The following ZBTB7C variants were observed in gnomAD, a reference collection of about 807,000 sequenced individuals.
ZBTB7C encodes the protein zinc finger and BTB domain containing 7C.
A neutral mutation model predicts 25.7 loss-of-function variants in ZBTB7C; 8 were observed. The ratio of observed to expected loss-of-function variants is 0.31; its 90% CI spans 0.18 to 0.56. The LOEUF (loss-of-function observed/expected upper bound fraction) is 0.56, where lower values mean the gene tolerates loss of function less well. Among genes scored for constraint, ZBTB7C ranks in the 20% least tolerant of loss-of-function variants. ZBTB7C has a pLI of 0.91. For synonymous variants in ZBTB7C, 394 were observed against 369.0 expected (o/e 1.07, Z -0.78); for missense variants, 824 against 855.2 (o/e 0.96, Z 0.46).
chr18:48,241,100 CAAA>C (rs969798678), intron 2 of ZBTB7C, among the ~76,000 whole-genome samples: 18 of 151,392 alleles, frequency 1.2e-4, no homozygotes, highest in African/African-American at 3.9e-4. Context: ...TAAAAAAAAA[CAAA>C]GAAGGACAAG....
intron 2 of ZBTB7C, among the ~76,000 whole-genome samples, chr18:48,297,904 A>C (rs890514579): frequency 2.0e-5 from 3 of 152,162 alleles, no homozygotes; most frequent in African/African-American, 7.2e-5. Context: ...CCTGTGTCAC[A>C]CATTATATGC....
chr18:48,349,875 A>G (rs2046824942), intron 1 of ZBTB7C, among the ~76,000 whole-genome samples: 1 of 152,066 alleles, frequency 6.6e-6, no homozygotes, highest in Non-Finnish European at 1.5e-5. Context: ...TGGGGACTAC[A>G]TTTTCTTCAT....
chr18:48,164,508 C>T (rs1271766036), intron 3 of ZBTB7C, among the ~76,000 whole-genome samples: 1 of 152,170 alleles, frequency 6.6e-6, no homozygotes, highest in African/African-American at 2.4e-5. Flanking sequence ...GCTAGATTTC[C>T]CTTCTGTCTC....
At chr18:48,148,571 A>G (rs1160742392) in intron 3 of ZBTB7C, 3 of 152,194 alleles carry the variant, frequency 2.0e-5, no homozygotes, top group African/African-American at 7.2e-5. Flanking sequence ...CCTCAGCATT[A>G]CAGATGAGTA....
intron 3 of ZBTB7C, among the ~76,000 whole-genome samples, chr18:48,046,616 A>C (rs1337268622): frequency 6.6e-6 from 1 of 152,222 alleles, no homozygotes; most frequent in Non-Finnish European, 1.5e-5. Context: ...CTGCCTTTTA[A>C]AATAGAAGAG....
intron 3 of ZBTB7C, among the ~76,000 whole-genome samples, chr18:48,096,418 T>G (rs2038635558): frequency 6.6e-6 from 1 of 152,232 alleles, no homozygotes; most frequent in East Asian, 1.9e-4. Flanking sequence ...ATGGGCATCC[T>G]GATGACATCA....
At chr18:48,331,242 G>C (rs1256825467) in intron 2 of ZBTB7C, among the ~76,000 whole-genome samples, 1 of 152,170 alleles carries the variant, frequency 6.6e-6, no homozygotes, top group Non-Finnish European at 1.5e-5. Flanking sequence ...ACCAAGAAAT[G>C]TTTGTGGACC....
chr18:48,347,126 T>G (rs1365872739), intron 1 of ZBTB7C, among the ~76,000 whole-genome samples: 3 of 76,496 alleles, frequency 3.9e-5, no homozygotes, highest in African/African-American at 2.0e-4. Flanking sequence ...TTTTGTTTGT[T>G]TTTTTTTTTT....
chr18:48,257,259 A>G (rs1223669949), intron 2 of ZBTB7C, among the ~76,000 whole-genome samples: 1 of 152,156 alleles, frequency 6.6e-6, no homozygotes, highest in Non-Finnish European at 1.5e-5. Flanking sequence ...AGAAAATTCC[A>G]TAATGATAAA....
chr18:48,155,328 T>G (rs897117865), intron 3 of ZBTB7C, among the ~76,000 whole-genome samples: 1 of 126,328 alleles, frequency 7.9e-6, no homozygotes, highest in African/African-American at 3.4e-5. Context: ...CTTTTTTTTT[T>G]TTTTTTTTTT....
At chr18:48,285,127 G>A (rs759642457) in intron 2 of ZBTB7C, among the ~76,000 whole-genome samples, 1 of 152,152 alleles carries the variant, frequency 6.6e-6, no homozygotes, top group Non-Finnish European at 1.5e-5. Context: ...AGGGTGCAGG[G>A]TAATATATAG....
intron 2 of ZBTB7C, among the ~76,000 whole-genome samples, chr18:48,196,680 C>T (rs2042325059): frequency 1.3e-5 from 2 of 152,158 alleles, no homozygotes; most frequent in African/African-American, 4.8e-5. Context: ...AACTTCCCTT[C>T]TGAAAGTCTT....
intron 2 of ZBTB7C, among the ~76,000 whole-genome samples, chr18:48,274,034 C>T (rs940184286): frequency 1.3e-5 from 2 of 152,152 alleles, no homozygotes; most frequent in African/African-American, 4.8e-5. Flanking sequence ...AAGTTCATAG[C>T]ATGTATACTT....
intron 1 of ZBTB7C, among the ~76,000 whole-genome samples, chr18:48,401,776 G>A (rs776895239): frequency 2.0e-5 from 3 of 152,022 alleles, no homozygotes; most frequent in Non-Finnish European, 4.4e-5. Context: ...CCACCCTCCC[G>A]CCTGGGTCCC....
chr18:48,267,876 C>T (rs144536698), intron 2 of ZBTB7C, among the ~76,000 whole-genome samples: 239 of 152,306 alleles, frequency 1.6e-3, no homozygotes, highest in South Asian at 5.4e-3. Flanking sequence ...GACTTCCCAG[C>T]CTCTAGAACT....
chr18:48,262,288 G>A (rs543661681), intron 2 of ZBTB7C, among the ~76,000 whole-genome samples: 1 of 152,156 alleles, frequency 6.6e-6, no homozygotes, highest in Non-Finnish European at 1.5e-5. Context: ...CCAGCCTCAG[G>A]AGAGTTCAGT....
chr18:48,175,614 G>A (rs1261505341), intron 3 of ZBTB7C, among the ~76,000 whole-genome samples: 1 of 152,096 alleles, frequency 6.6e-6, no homozygotes, highest in South Asian at 2.1e-4. Context: ...ACCCAGCAAC[G>A]AGCAAACCCA....
At chr18:48,082,614 G>C (rs1291322025) in intron 3 of ZBTB7C, among the ~76,000 whole-genome samples, 1 of 152,136 alleles carries the variant, frequency 6.6e-6, no homozygotes, top group Non-Finnish European at 1.5e-5. Flanking sequence ...TTTACCCCAG[G>C]GAAAGGGAGA....
intron 3 of ZBTB7C, among the ~76,000 whole-genome samples, chr18:48,064,014 CA>C (rs1555683588): frequency 6.6e-6 from 1 of 152,134 alleles, no homozygotes; most frequent in Non-Finnish European, 1.5e-5. Context: ...AATGTCAACA[CA>C]AAGTTGTATA....
Sources: gnomAD v4.1 joint callset for allele counts (sites outside exome capture counted in the v4.1 genomes callset) on GRCh38, gnomAD v4.1.1 for gene constraint, MANE v1.5 for transcripts, NCBI Gene and HGNC (gene_info 2026-07-23, HGNC 2026-07-21) for gene names.